Variants in UHRF1 observed in about 807,000 individuals in gnomAD.
The protein encoded by UHRF1 is E3 ubiquitin-protein ligase UHRF1.
Under a neutral mutation model 96.5 loss-of-function variants are expected in UHRF1, and 9 were observed. That is an observed-to-expected ratio of 0.09 (90% CI 0.06 to 0.16). The LOEUF (loss-of-function observed/expected upper bound fraction) is 0.16, where lower values mean the gene tolerates loss of function less well. Among genes scored for constraint, UHRF1 ranks in the 10% least tolerant of loss-of-function variants. The pLI, the probability that UHRF1 is intolerant of heterozygous loss-of-function variation, is 1.00. For missense variants in UHRF1, 626 were observed against 1,131.1 expected, an observed-to-expected ratio of 0.55 and a Z score of 6.40; for synonymous variants, 455 against 469.9, an observed-to-expected ratio of 0.97 and a Z score of 0.41.
rs1369843293 is a variant in UHRF1 at position 4,932,913 on chromosome 19, G to A, written c.742G>A (p.Glu248Lys). The A allele has an allele frequency of 1.2e-6, 2 of 1,613,564 alleles. No individual in the cohort carries two copies. The highest frequency in any genetic ancestry group is 2.2e-5 in the East Asian group (1 of 44,892). The change falls in exon 5 of 17, where the codon GAG (glutamate) becomes AAG (lysine). Residue 248 changes from glutamate to lysine, a missense_variant. Glu to Lys is a moderately conservative substitution (Grantham distance 56, BLOSUM62 1). Coordinates refer to ENST00000650932, the MANE Select transcript of UHRF1 (RefSeq NM_001048201.3). ...CGACGCGGAGATCTCCAGGAAGCGC[G>A]AGACCAGGACGGCGCGGGAACTCTA... ...WYDAEISRKR[E>K]TRTARELYAN...
chr19:4,960,054 T>C (rs1013784794), intron 16 of UHRF1, among the ~76,000 whole-genome samples: 1 of 152,148 alleles, frequency 6.6e-6, no homozygotes, highest in Non-Finnish European at 1.5e-5. Flanking sequence ...GGTTTCACCA[T>C]GTTGGCCAGG....
chr19:4,914,397 CT>C (rs974034954), intron 2 of UHRF1, among the ~76,000 whole-genome samples: 3 of 151,552 alleles, frequency 2.0e-5, no homozygotes, highest in African/African-American at 7.3e-5. Context: ...TGTTCACAGT[CT>C]TTTTTTTTCC....
intron 5 of UHRF1, among the ~76,000 whole-genome samples, chr19:4,935,905 A>G (rs2033202010): frequency 6.6e-6 from 1 of 152,144 alleles, no homozygotes; most frequent in South Asian, 2.1e-4. Context: ...TGAGACAGAT[A>G]ACCTGCCCAG....
rs2033817184 is a variant in UHRF1, at chr19:4,954,922, A to C, written c.2130+100A>C. The C allele has an allele frequency of 7.1e-7, 1 of 1,402,688 alleles. No individual in the cohort carries two copies. Among genetic ancestry groups the C allele is most frequent in the South Asian group, 1.3e-5 (1 of 76,692 alleles). The allele number at this position is 1,402,688 out of a possible 1,614,324, so 86.9% of individuals were successfully genotyped here. On this transcript the variant is annotated intron_variant, in intron 15 of 16. Coordinates refer to ENST00000650932, the MANE Select transcript of UHRF1 (RefSeq NM_001048201.3). The surrounding 1 kb of genome is among the most constrained non-coding windows in gnomAD (Gnocchi z 5.9). ...TTCCCCATTTTCAAGTGTACAGCTCAGTCGCACTGAGTACATTCTTGTGGT... is the reference window on the plus strand; with the variant it reads ...TTCCCCATTTTCAAGTGTACAGCTCCGTCGCACTGAGTACATTCTTGTGGT...
At chr19:4,910,716 G>T in intron 1 of UHRF1, 160 bp from the exon 2 acceptor site, 1 of 713,748 alleles carries the variant, frequency 1.4e-6, no homozygotes, top group South Asian at 3.0e-5. Flanking sequence ...GTTGTGTCTG[G>T]TCCTGGCCAG....
intron 2 of UHRF1, among the ~76,000 whole-genome samples, chr19:4,912,762 T>G (rs377474535): frequency 5.3e-5 from 8 of 152,224 alleles, no homozygotes; most frequent in South Asian, 2.1e-4. Context: ...ATTGATTTTT[T>G]TTGTTGTTGT....
At chr19:4,942,873 G>A (rs1256854687) in intron 7 of UHRF1, among the ~76,000 whole-genome samples, 1 of 152,148 alleles carries the variant, frequency 6.6e-6, no homozygotes, top group East Asian at 1.9e-4. Context: ...AGGAGGTCGA[G>A]GGTGCAGTGA....
At position 4,941,764 on chromosome 19, in the gene UHRF1, C is replaced by T; in HGVS notation, c.906C>T (p.Cys302=). 1 of 1,554,692 alleles carries T rather than the reference C, an allele frequency of 6.4e-7. No individual in the cohort carries two copies. Among genetic ancestry groups the T allele is most frequent in the Non-Finnish European group, 8.7e-7 (1 of 1,149,428 alleles). The change falls in exon 7 of 17, where the codon TGC becomes TGT. Residue 302 remains cysteine (C), a synonymous_variant. Transcript: ENST00000650932. ...NPMRRKSGPS[C]KHCKDDVNRL... ...GCCCAGGGAAGAGCGGGCCGTCCTG[C>T]AAGCACTGCAAGGACGACGTGAACA...
chr19:4,909,586 C>A lies in UHRF1; in HGVS notation c.-80C>A. On this transcript the variant is annotated 5_prime_UTR_variant, in exon 1 of 17. Transcript: ENST00000650932. ...GTCCGCGCGGGGTCCGGGCCACGCA[C>A]GCGGTTTCATCGCCATCCCCAGCCG... 1 of 652,090 alleles carries A rather than the reference C, an allele frequency of 1.5e-6. No individual in the cohort carries two copies. The highest frequency in any genetic ancestry group is 1.6e-5 in the South Asian group (1 of 62,696). 40.4% of individuals were successfully genotyped at this position (652,090 alleles called of 1,614,324 possible).
chr19:4,930,225 G>A lies in UHRF1; in HGVS notation c.409-491G>A, dbSNP rs548958892. Among the ~76,000 whole-genome samples, 3 of 152,094 alleles carry A rather than the reference G, an allele frequency of 2.0e-5. No homozygotes were observed. Among genetic ancestry groups the A allele is most frequent in the Admixed American group, 1.3e-4 (2 of 15,268 alleles). On this transcript the variant is annotated intron_variant, in intron 3 of 16. Coordinates refer to ENST00000650932, the MANE Select transcript of UHRF1 (RefSeq NM_001048201.3). The surrounding 1 kb of genome is among the most constrained non-coding windows in gnomAD (Gnocchi z 4.4). ...CCTGGCCTCAAGTGATCTTCCCGCC[G>A]CAGCCTCCCAAAGTGCTGGAATTAT...
At chr19:4,913,210 C>T (rs907270603) in intron 2 of UHRF1, among the ~76,000 whole-genome samples, 1 of 147,760 alleles carries the variant, frequency 6.8e-6, no homozygotes, top group Admixed American at 6.8e-5. Context: ...TTTAGTGTGA[C>T]AATGACAGGA....
intron 1 of UHRF1, 38 bp downstream of exon 1, chr19:4,909,693 C>T: frequency 2.0e-6 from 1 of 508,162 alleles, no homozygotes; most frequent in Non-Finnish European, 3.4e-6. Context: ...CAGCCCGGGC[C>T]GGGCGCACGG....
At chr19:4,917,986 C>A (rs1450919505) in intron 2 of UHRF1, among the ~76,000 whole-genome samples, 1 of 152,114 alleles carries the variant, frequency 6.6e-6, no homozygotes, top group African/African-American at 2.4e-5. Flanking sequence ...GCCCATGTTA[C>A]AAAATTCCAA....
rs5826865 is a variant in UHRF1, at chr19:4,929,112, G to GCC, written c.154-101_154-100dup. The GCC allele has an allele frequency of 3.3e-3, 4,207 of 1,294,384 alleles. 6 individuals carry two copies. The highest frequency in any genetic ancestry group is 8.3e-3 in the African/African-American group (558 of 67,356). The allele number at this position is 1,294,384 out of a possible 1,614,324, so 80.2% of individuals were successfully genotyped here. A position where few individuals can be genotyped will look rare whatever the true frequency, so the allele number is the denominator to read the frequency against. On this transcript the variant is annotated intron_variant, in intron 2 of 16. Coordinates refer to ENST00000650932, the MANE Select transcript of UHRF1 (RefSeq NM_001048201.3). ...ATGGCTCTTTACTCTGATGCAGATT[G>GCC]CCCCCCCCCCACAAGGGCTGGGACA...
intron 7 of UHRF1, among the ~76,000 whole-genome samples, chr19:4,943,720 G>A (rs1018712533): frequency 6.6e-5 from 10 of 151,860 alleles, no homozygotes; most frequent in Admixed American, 3.9e-4. Context: ...GTGCAACCTC[G>A]GCTCACTGCA....
At chr19:4,904,931 C>A (rs557684220), upstream of UHRF1, among the ~76,000 whole-genome samples, 3 of 152,206 alleles carry the variant, frequency 2.0e-5, no homozygotes, top group African/African-American at 4.8e-5. Flanking sequence ...AGGAAGTACC[C>A]ATTCTCTAGC....
rs536769636 is a variant in UHRF1 at position 4,959,991 on chromosome 19, G to A, written c.2236-666G>A. On this transcript the variant is annotated intron_variant, in intron 16 of 16. Coordinates refer to ENST00000650932, the MANE Select transcript of UHRF1 (RefSeq NM_001048201.3). ...TTCTCTTGCCTTAGCCTCCCAGGTA[G>A]CTGGGATTACAGGCATGTGCCTGGC... 5.4e-4 allele frequency among the ~76,000 whole-genome samples: 82 copies of A among 152,366 alleles called. 1 individual carries two copies. The highest frequency in any genetic ancestry group is 1.9e-3 in the African/African-American group (81 of 41,590).
At chr19:4,934,842 C>T (rs2033170588) in intron 5 of UHRF1, among the ~76,000 whole-genome samples, 1 of 151,224 alleles carries the variant, frequency 6.6e-6, no homozygotes, top group South Asian at 2.1e-4. Context: ...CTCACTGAGT[C>T]TGGGCCTTAA....
intron 9 of UHRF1, 63 bp from the exon 10 acceptor site, chr19:4,945,798 G>A (rs933800883): frequency 1.4e-5 from 19 of 1,395,130 alleles, no homozygotes; most frequent in Non-Finnish European, 1.8e-5. Context: ...GGAGGAGGGC[G>A]GTGGAGCTTC....
Sources: allele counts gnomAD v4.1 joint callset (sites outside exome capture counted in the v4.1 genomes callset), GRCh38; gene constraint gnomAD v4.1.1; non-coding constraint Gnocchi (gnomAD v3.1); transcripts MANE v1.5; gene names NCBI Gene and HGNC (gene_info 2026-07-23, HGNC 2026-07-21).